Variants in THTPA observed in about 807,000 individuals in gnomAD.
THTPA encodes thiamine triphosphatase.
In THTPA, 16 loss-of-function variants were observed where a neutral mutation model predicts 16.5. The observed-to-expected ratio is 0.97, with a 90% confidence interval of 0.66 to 1.47. THTPA has a LOEUF of 1.47. THTPA is among the 40% of genes most tolerant of loss of function. THTPA has a pLI of 0.00. For missense variants in THTPA, 281 were observed against 280.9 expected (o/e 1.00, Z 0.00); for synonymous variants, 110 against 115.5 (o/e 0.95, Z 0.30).
At chr14:23,533,485 C>T in the THTPA span, 1,137 of 1,535,974 alleles carry the variant, frequency 7.4e-4, no homozygotes, top group Non-Finnish European at 9.4e-4. The surrounding 1 kb of genome is among the most constrained non-coding windows in gnomAD (Gnocchi z 4.8). Flanking sequence ...AGGGCCTGGC[C>T]CCATCAATCC....
chr14:23,546,222 C>A, the THTPA span, among the ~76,000 whole-genome samples: 3 of 152,102 alleles, frequency 2.0e-5, no homozygotes, highest in African/African-American at 7.2e-5. This position sits in a 1 kb window ranked among gnomAD's most constrained non-coding sequence, Gnocchi z 4.7. Flanking sequence ...TTGCACAGGC[C>A]CCTGTGCATG....
the THTPA span, chr14:23,514,181 A>T: frequency 6.6e-6 from 1 of 152,470 alleles, no homozygotes; most frequent in South Asian, 2.1e-4. Flanking sequence ...AGAAGGAAGG[A>T]GGTGAAACAT....
At chr14:23,542,337 G>A in the THTPA span, 1 of 152,556 alleles carries the variant, frequency 6.6e-6, no homozygotes, top group Non-Finnish European at 1.5e-5. Context: ...GAGCAGACAG[G>A]AGGAGAAGGG....
chr14:23,531,396 T>C, the THTPA span: 1,212 of 1,327,450 alleles, frequency 9.1e-4, 13 homozygotes, highest in African/African-American at 0.016. Context: ...GCCTTCCTTG[T>C]ATCTCTAACT....
At chr14:23,530,136 G>C in the THTPA span, 3 of 1,536,118 alleles carry the variant, frequency 2.0e-6, no homozygotes, top group Non-Finnish European at 2.6e-6. Flanking sequence ...GTTCTGTCTT[G>C]TTCTGGGCAT....
the THTPA span, chr14:23,531,476 C>G: frequency 7.1e-7 from 1 of 1,400,712 alleles, no homozygotes; most frequent in Non-Finnish European, 9.3e-7. Flanking sequence ...TCCCTTCTTC[C>G]TCACCGGGAG....
At chr14:23,534,548 C>T in the THTPA span, 83 of 1,536,020 alleles carry the variant, frequency 5.4e-5, no homozygotes, top group Non-Finnish European at 7.1e-5. This position sits in a 1 kb window ranked among gnomAD's most constrained non-coding sequence, Gnocchi z 4.5. Context: ...AGCTTCACCC[C>T]ATGAGACTGT....
At chr14:23,525,524 G>T in the THTPA span, 1 of 1,535,666 alleles carries the variant, frequency 6.5e-7, no homozygotes. This position sits in a 1 kb window ranked among gnomAD's most constrained non-coding sequence, Gnocchi z 5.9. Flanking sequence ...ACCCCCGAGG[G>T]CCTCAGGTGG....
chr14:23,531,376 G>A, the THTPA span: 1 of 1,326,250 alleles, frequency 7.5e-7, no homozygotes, highest in Non-Finnish European at 9.7e-7. Context: ...GTGGCCTACA[G>A]GCCCTCTTCG....
chr14:23,547,931 G>A, the THTPA span, among the ~76,000 whole-genome samples: 1 of 152,180 alleles, frequency 6.6e-6, no homozygotes, highest in African/African-American at 2.4e-5. Context: ...AGACAGCTAA[G>A]TCTCTCAGAC....
the THTPA span, among the ~76,000 whole-genome samples, chr14:23,516,039 G>A: frequency 6.6e-6 from 1 of 152,134 alleles, no homozygotes; most frequent in Admixed American, 6.6e-5. Context: ...AGCCCCTGGG[G>A]TAGCAGGGTT....
the THTPA span, among the ~76,000 whole-genome samples, chr14:23,542,578 C>T: frequency 6.6e-6 from 1 of 152,106 alleles, no homozygotes; most frequent in Admixed American, 6.6e-5. Context: ...GTGGTTCTCT[C>T]GTTCTACATA....
upstream of THTPA, among the ~76,000 whole-genome samples, chr14:23,553,567 C>A (rs886161028): frequency 1.2e-4 from 18 of 149,870 alleles, no homozygotes; most frequent in African/African-American, 4.4e-4. Flanking sequence ...CCATTGCACT[C>A]CAGCCTGGGC....
the THTPA span, among the ~76,000 whole-genome samples, chr14:23,540,973 T>A: frequency 1.3e-5 from 2 of 152,056 alleles, no homozygotes. Context: ...TGGTGTGATC[T>A]CAGCTCACTG....
chr14:23,524,756 G>A, the THTPA span: 17 of 1,536,444 alleles, frequency 1.1e-5, no homozygotes, highest in Non-Finnish European at 1.5e-5. The surrounding 1 kb of genome is among the most constrained non-coding windows in gnomAD (Gnocchi z 5.6). Flanking sequence ...CTCAGGCCCT[G>A]CTGGAGGTTC....
the THTPA span, chr14:23,522,718 G>A: frequency 6.5e-7 from 1 of 1,536,552 alleles, no homozygotes; most frequent in Non-Finnish European, 8.7e-7. Flanking sequence ...CATTGGAGGA[G>A]CTGGTGGGGC....
rs1056390995 is a variant in THTPA, at chr14:23,558,893, C to T, written c.*53C>T. The T allele has an allele frequency of 1.2e-5, 19 of 1,603,156 alleles. No homozygotes were observed. The South Asian group carries it at 1.2e-4, about 10-fold the overall frequency. On this transcript the variant is annotated 3_prime_UTR_variant, in exon 2 of 2. Coordinates refer to ENST00000288014, the MANE Select transcript of THTPA (RefSeq NM_024328.6). ...AACTCTGGGTCTAACGGAGTCCACT[C>T]CTGGGCCCACTGTGCCTCTCCCCTC...
At chr14:23,529,998 A>C in the THTPA span, 1 of 1,106,182 alleles carries the variant, frequency 9.0e-7, no homozygotes, top group Non-Finnish European at 1.3e-6. Flanking sequence ...CCCCCTGATG[A>C]GCCCTTTCTT....
At chr14:23,548,590 C>A in the THTPA span, 1 of 152,176 alleles carries the variant, frequency 6.6e-6, no homozygotes, top group African/African-American at 2.4e-5. Context: ...GATTCAAGTT[C>A]CTCTCAGCTG....
Sources: gnomAD v4.1 joint callset for allele counts (sites outside exome capture counted in the v4.1 genomes callset) on GRCh38, gnomAD v4.1.1 for gene constraint, Gnocchi (gnomAD v3.1) non-coding constraint, MANE v1.5 for transcripts, NCBI Gene and HGNC (gene_info 2026-07-23, HGNC 2026-07-21) for gene names.